UHRF1: variants seen among roughly 807,000 people sequenced by gnomAD.
UHRF1 encodes ubiquitin like with PHD and ring finger domains 1.
In UHRF1, 9 loss-of-function variants were observed where a neutral mutation model predicts 96.5. The observed-to-expected ratio is 0.09, with a 90% CI of 0.06 to 0.16. The LOEUF (loss-of-function observed/expected upper bound fraction) is 0.16. UHRF1 is among the 10% of genes least tolerant of loss of function. The pLI is 1.00. For missense variants in UHRF1, 626 were observed against 1,131.1 expected, an observed-to-expected ratio of 0.55 and a Z score of 6.40; for synonymous variants, 455 against 469.9, an observed-to-expected ratio of 0.97 and a Z score of 0.41.
upstream of UHRF1, among the ~76,000 whole-genome samples, chr19:4,904,703 C>G (rs1416447321): frequency 6.6e-6 from 1 of 152,226 alleles, no homozygotes; most frequent in Non-Finnish European, 1.5e-5. Context: ...TTGTGCCCAT[C>G]AATGTCTGCG....
chr19:4,942,781 A>C (rs1412492322), intron 7 of UHRF1, among the ~76,000 whole-genome samples: 1 of 152,028 alleles, frequency 6.6e-6, no homozygotes, highest in Admixed American at 6.6e-5. Flanking sequence ...AAATGTAAGA[A>C]AATTAGCTGG....
intron 11 of UHRF1, 105 bp from the exon 12 acceptor site, chr19:4,950,506 A>C: frequency 7.9e-7 from 1 of 1,269,562 alleles, no homozygotes; most frequent in Non-Finnish European, 1.1e-6. Context: ...AGCCTCCCAA[A>C]GTGCTGGGAT....
At chr19:4,914,059 C>G (rs2032395406) in intron 2 of UHRF1, among the ~76,000 whole-genome samples, 1 of 152,066 alleles carries the variant, frequency 6.6e-6, no homozygotes. Flanking sequence ...AGGTGATTCA[C>G]ACCCCCCTCC....
chr19:4,954,380 A>C lies in UHRF1; in HGVS notation c.1849A>C (p.Asn617His). The change falls in exon 14 of 17, where the codon AAC becomes CAC. Residue 617 changes from asparagine (N) to histidine (H), a missense_variant. By Grantham distance (68) the Asn-to-His change is moderately conservative (BLOSUM62 1). This residue lies in a region of UHRF1 where 90 missense variants were observed against 94.7 expected (regional missense o/e 0.95). Transcript: ENST00000650932. The surrounding 1 kb of genome is among the most constrained non-coding windows in gnomAD (Gnocchi z 5.9). ...YPEGYLEALA[N>H]REREKENSKR... Reference sequence around the variant, plus strand: ...AGAAGGCTACCTGGAAGCCCTGGCCAACCGAGAGCGAGAGAAGGAGAACAG... The same window carrying C: ...AGAAGGCTACCTGGAAGCCCTGGCCCACCGAGAGCGAGAGAAGGAGAACAG... 1 of 1,613,330 alleles carries C rather than the reference A, an allele frequency of 6.2e-7. No homozygotes were observed. The highest frequency in any genetic ancestry group is 8.5e-7 in the Non-Finnish European group (1 of 1,179,764).
rs1176412275 is a variant in UHRF1, at chr19:4,930,479, C to T, written c.409-237C>T. ...GGCCTCCCAGCAGCTGTGGCTGAAG[C>T]AGAGCCGCAGGGGCCTTTGTTAAGA... On this transcript the variant is annotated intron_variant, in intron 3 of 16. Transcript: ENST00000650932. The surrounding 1 kb of genome is among the most constrained non-coding windows in gnomAD (Gnocchi z 4.4). Among the ~76,000 whole-genome samples the T allele has an allele frequency of 1.3e-5, 2 of 152,254 alleles. No individual in the cohort carries two copies.
rs979896273 is a variant in UHRF1, at chr19:4,954,923, G to C, written c.2130+101G>C. On this transcript the variant is annotated intron_variant, in intron 15 of 16. Coordinates refer to ENST00000650932, the MANE Select transcript of UHRF1 (RefSeq NM_001048201.3). This position sits in a 1 kb window ranked among gnomAD's most constrained non-coding sequence, Gnocchi z 5.9. ...TCCCCATTTTCAAGTGTACAGCTCA[G>C]TCGCACTGAGTACATTCTTGTGGTT... The C allele has an allele frequency of 7.1e-7, 1 of 1,404,846 alleles. No individual in the cohort carries two copies. Among genetic ancestry groups the C allele is most frequent in the East Asian group, 2.3e-5 (1 of 43,498 alleles). 87.0% of individuals were successfully genotyped at this position (1,404,846 alleles called of 1,614,324 possible).
intron 2 of UHRF1, among the ~76,000 whole-genome samples, chr19:4,927,979 CAG>C (rs1486035896): frequency 1.3e-5 from 2 of 152,224 alleles, no homozygotes; most frequent in African/African-American, 4.8e-5. Context: ...CCTTCCCACT[CAG>C]TGTGTGGATT....
At position 4,950,901 on chromosome 19, in the gene UHRF1, G is replaced by A. The variant is rs1253266205; in HGVS notation, c.1723G>A (p.Val575Met). 5.0e-6 allele frequency: 8 copies of A among 1,613,790 alleles called. No homozygotes were observed. Among genetic ancestry groups the A allele is most frequent in the Non-Finnish European group, 5.9e-6 (7 of 1,179,878 alleles). ...WPEKGKSGFL[V>M]WRYLLRRDDD... ...CGAGAAGGGGAAGTCCGGGTTTCTC[G>A]TGTGGCGCTACCTTCTGCGGAGGGA... The change falls in exon 13 of 17, where the codon GTG becomes ATG. Residue 575 changes from valine to methionine, a missense_variant. Coordinates refer to ENST00000650932, the MANE Select transcript of UHRF1 (RefSeq NM_001048201.3).
At chr19:4,906,386 G>A (rs1202010949), upstream of UHRF1, among the ~76,000 whole-genome samples, 2 of 152,178 alleles carry the variant, frequency 1.3e-5, no homozygotes, top group Non-Finnish European at 2.9e-5. Flanking sequence ...GGGAGGGCTA[G>A]ATACCTCCTC....
At chr19:4,957,297 G>GTTTTTTTTTTT (rs59654364) in intron 16 of UHRF1, among the ~76,000 whole-genome samples, 28 of 51,100 alleles carry the variant, frequency 5.5e-4, no homozygotes, top group African/African-American at 2.2e-3. Context: ...CCAGCTGATG[G>GTTTTTTTTTTT]TTTTTTTTTT....
In UHRF1 at chr19:4,944,149, G is replaced by A. The variant is rs1425637658; in HGVS notation, c.1091G>A (p.Arg364Gln). 3.7e-6 allele frequency: 6 copies of A among 1,613,822 alleles called. No individual in the cohort carries two copies. Among genetic ancestry groups the A allele is most frequent in the Non-Finnish European group, 5.1e-6 (6 of 1,179,892 alleles). Residue 364 changes from arginine (R) to glutamine (Q), a missense_variant, in exon 8 of 17, where the codon CGG becomes CAG. Arg to Gln is a conservative substitution (Grantham distance 43). Coordinates refer to ENST00000650932, the MANE Select transcript of UHRF1 (RefSeq NM_001048201.3). ...CCTCGCAGGTACTGCCCTGAGTGCCGGAATGATGCCAGCGAGGTGGTACTG... is the reference window on the plus strand; with the variant it reads ...CCTCGCAGGTACTGCCCTGAGTGCCAGAATGATGCCAGCGAGGTGGTACTG... Reference protein sequence around the residue: ...SEDEWYCPECRNDASEVVLAG... With the variant: ...SEDEWYCPECQNDASEVVLAG...
chr19:4,929,958 G>A (rs1220538073), intron 3 of UHRF1, among the ~76,000 whole-genome samples: 2 of 150,896 alleles, frequency 1.3e-5, no homozygotes, highest in Non-Finnish European at 3.0e-5. Context: ...GTGCCACCAC[G>A]CCCAGCTAAT....
chr19:4,932,671 G>A (rs772624573), intron 4 of UHRF1, 70 bp from the exon 5 acceptor site: 2 of 1,557,220 alleles, frequency 1.3e-6, no homozygotes, highest in East Asian at 2.3e-5. Context: ...GTCCCACCTC[G>A]GCTCGTTTCC....
chr19:4,904,291 G>T (rs1314951229), intron 1 of UHRF1, among the ~76,000 whole-genome samples: 1 of 152,074 alleles, frequency 6.6e-6, no homozygotes, highest in African/African-American at 2.4e-5. Flanking sequence ...CCATTCTCCT[G>T]CCTCAGCTTC....
At chr19:4,943,484 G>A (rs1329567444) in intron 7 of UHRF1, among the ~76,000 whole-genome samples, 1 of 138,364 alleles carries the variant, frequency 7.2e-6, no homozygotes, top group Non-Finnish European at 1.5e-5. Context: ...AGTGGGTGTT[G>A]TTGTTGCCCT....
At chr19:4,914,105 T>C (rs4544355) in intron 2 of UHRF1, among the ~76,000 whole-genome samples, 57,225 of 151,732 alleles carry the variant, frequency 0.38, 11,170 homozygotes, top group African/African-American at 0.49. Flanking sequence ...GGATTAGAGG[T>C]GTGAACCGTC....
intron 11 of UHRF1, among the ~76,000 whole-genome samples, chr19:4,949,809 TG>T (rs1354723327): frequency 1.3e-5 from 2 of 151,954 alleles, no homozygotes; most frequent in South Asian, 2.1e-4. Flanking sequence ...CATTCCAGCC[TG>T]GGTGACAGAG....
chr19:4,928,510 A>C (rs1419809849), intron 2 of UHRF1, among the ~76,000 whole-genome samples: 1 of 152,188 alleles, frequency 6.6e-6, no homozygotes, highest in Non-Finnish European at 1.5e-5. Flanking sequence ...CTGTGGAGCC[A>C]GGCCCCAGGG....
At chr19:4,909,491 G>GA (rs1467880130), upstream of UHRF1, 23 of 655,362 alleles carry the variant, frequency 3.5e-5, no homozygotes, top group South Asian at 1.4e-4. Context: ...GTTTTCGCGG[G>GA]AAAAAAATCA....
Sources: allele counts gnomAD v4.1 joint callset (sites outside exome capture counted in the v4.1 genomes callset), GRCh38; gene constraint gnomAD v4.1.1; regional missense constraint gnomAD v4.1.1; non-coding constraint Gnocchi (gnomAD v3.1); transcripts MANE v1.5; gene names NCBI Gene and HGNC (gene_info 2026-07-23, HGNC 2026-07-21).